Variants in GDPD1 observed in about 807,000 individuals in gnomAD.
The protein encoded by GDPD1 is lysophospholipase D GDPD1.
Under a neutral mutation model 45.1 loss-of-function variants are expected in GDPD1, and 28 were observed. The ratio of observed to expected loss-of-function variants is 0.62; its 90% confidence interval spans 0.46 to 0.85. GDPD1 has a LOEUF of 0.85. Among genes scored for constraint, GDPD1 ranks in the 40% least tolerant of loss-of-function variants. GDPD1 has a pLI of 0.00. For missense variants in GDPD1, 256 were observed against 364.8 expected, an observed-to-expected ratio of 0.70 and a Z score of 2.43; for synonymous variants, 139 against 131.4, an observed-to-expected ratio of 1.06 and a Z score of -0.40.
At chr17:59,250,948 A>AC (rs1035557648) in intron 4 of GDPD1, among the ~76,000 whole-genome samples, 2 of 151,088 alleles carry the variant, frequency 1.3e-5, no homozygotes, top group Admixed American at 6.6e-5. Flanking sequence ...GATTTACCTG[A>AC]CCCCCCCTTG....
chr17:59,233,220 AAAAAC>A (rs2047104617), intron 1 of GDPD1, among the ~76,000 whole-genome samples: 1 of 151,774 alleles, frequency 6.6e-6, no homozygotes, highest in Non-Finnish European at 1.5e-5. Context: ...TGTCTCAAGA[AAAAAC>A]AAAACAGGCC....
rs1311245247 is a variant in GDPD1, at chr17:59,257,697, G to T, written c.487-54G>T. The T allele has an allele frequency of 3.8e-6, 4 of 1,050,780 alleles. No individual in the cohort carries two copies. In the African/African-American group the frequency reaches 4.7e-5, roughly 12 times the overall value. The allele number at this position is 1,050,780 out of a possible 1,614,324, so 65.1% of individuals were successfully genotyped here. A position where few individuals can be genotyped will look rare whatever the true frequency, so the allele number is the denominator to read the frequency against. ...TAATTCATTTTTTAAGTGAAATGTT[G>T]TTAGTGGATTTGCAAATAGGCACAT... On this transcript the variant is annotated intron_variant, in intron 5 of 9. Transcript: ENST00000284116.
chr17:59,248,648 TA>T, intron 3 of GDPD1, 91 bp from the exon 4 acceptor site: 1 of 896,564 alleles, frequency 1.1e-6, no homozygotes. Context: ...TTCTGTATGT[TA>T]AAGAAGCATA....
chr17:59,270,864 A>G (rs2047438970), intron 7 of GDPD1, 72 bp from the exon 8 acceptor site: 2 of 949,346 alleles, frequency 2.1e-6, no homozygotes, highest in Non-Finnish European at 3.3e-6. Context: ...TCATTTTTGA[A>G]TTTGTTTCAT....
intron 8 of GDPD1, among the ~76,000 whole-genome samples, chr17:59,271,387 A>G (rs2047442743): frequency 6.6e-6 from 1 of 152,168 alleles, no homozygotes; most frequent in Non-Finnish European, 1.5e-5. Context: ...TTCTCAGAAA[A>G]ATTTGCTCTG....
chr17:59,243,467 GCATTCC>G (rs2047189240), intron 2 of GDPD1, among the ~76,000 whole-genome samples: 1 of 151,270 alleles, frequency 6.6e-6, no homozygotes, highest in African/African-American at 2.4e-5. Flanking sequence ...CTGTGCCGTT[GCATTCC>G]AGCCTGGGCA....
intron 3 of GDPD1, among the ~76,000 whole-genome samples, 188 bp from the exon 4 acceptor site, chr17:59,248,552 T>A (rs1466384282): frequency 2.6e-5 from 4 of 152,088 alleles, no homozygotes; most frequent in African/African-American, 9.7e-5. Flanking sequence ...TACAGATATA[T>A]TTTTTGTAGA....
intron 4 of GDPD1, among the ~76,000 whole-genome samples, chr17:59,251,991 CAAAAAAAAAAAA>C (rs34224346): frequency 1.6e-5 from 1 of 60,922 alleles, no homozygotes; most frequent in Non-Finnish European, 3.2e-5. Context: ...GACTCAGTCT[CAAAAAAAAAAAA>C]AAAAAAAAGA....
At chr17:59,223,738 A>ATATC (rs1344454329) in intron 1 of GDPD1, among the ~76,000 whole-genome samples, 3 of 152,232 alleles carry the variant, frequency 2.0e-5, no homozygotes, top group Non-Finnish European at 1.5e-5. Flanking sequence ...TAAAACTTGA[A>ATATC]TATCTACTCT....
intron 7 of GDPD1, 28 bp downstream of exon 7, chr17:59,267,202 T>C: frequency 1.3e-6 from 2 of 1,565,002 alleles, no homozygotes; most frequent in Non-Finnish European, 1.8e-6. Flanking sequence ...TATTTTAAAA[T>C]CAATTATCAA....
intron 4 of GDPD1, among the ~76,000 whole-genome samples, chr17:59,256,590 A>G (rs2047310897): frequency 6.6e-6 from 1 of 152,182 alleles, no homozygotes; most frequent in African/African-American, 2.4e-5. Flanking sequence ...TTAAATTAAA[A>G]TAAATTATTG....
intron 6 of GDPD1, among the ~76,000 whole-genome samples, chr17:59,261,877 T>TCTTGTCTC (rs2047358160): frequency 6.7e-6 from 1 of 149,930 alleles, no homozygotes; most frequent in Admixed American, 6.7e-5. Flanking sequence ...CAAGCAATCC[T>TCTTGTCTC]CTTGTCTCGT....
intron 4 of GDPD1, among the ~76,000 whole-genome samples, chr17:59,255,791 ATATATGTATATATATATATACGCG>A (rs2047296995): frequency 1.5e-5 from 1 of 65,508 alleles, no homozygotes; most frequent in Non-Finnish European, 2.6e-5. Flanking sequence ...ATATACGCGT[ATATATGTATATATATATATACGCG>A]TATATATATA....
intron 7 of GDPD1, among the ~76,000 whole-genome samples, chr17:59,268,917 G>A (rs957866923): frequency 6.6e-6 from 1 of 151,558 alleles, no homozygotes; most frequent in East Asian, 1.9e-4. Context: ...CTGAACACGG[G>A]GGGCAGAAGT....
chr17:59,224,611 C>T (rs1279737845), intron 1 of GDPD1, among the ~76,000 whole-genome samples: 8 of 138,908 alleles, frequency 5.8e-5, no homozygotes, highest in Non-Finnish European at 9.1e-5. Context: ...GGCGACAGGG[C>T]GAGACTCCAT....
intron 8 of GDPD1, among the ~76,000 whole-genome samples, chr17:59,271,484 T>G (rs945422103): frequency 6.6e-6 from 1 of 152,108 alleles, no homozygotes; most frequent in African/African-American, 2.4e-5. Flanking sequence ...ACATGATGAG[T>G]TTAATTTTAG....
intron 3 of GDPD1, among the ~76,000 whole-genome samples, chr17:59,247,977 G>A (rs2047225263): frequency 6.6e-6 from 1 of 151,596 alleles, no homozygotes; most frequent in Admixed American, 6.6e-5. Context: ...TCTATCTTTA[G>A]CTTTTTATAT....
At chr17:59,220,803 C>G in intron 1 of GDPD1, 52 bp downstream of exon 1, 1 of 1,586,758 alleles carries the variant, frequency 6.3e-7, no homozygotes, top group Non-Finnish European at 8.5e-7. Context: ...GCTGAGGGTC[C>G]TTTGCGGCTC....
At chr17:59,266,072 A>C (rs2047396652) in intron 6 of GDPD1, among the ~76,000 whole-genome samples, 1 of 151,498 alleles carries the variant, frequency 6.6e-6, no homozygotes, top group Admixed American at 6.6e-5. Context: ...GTGGTGAGAA[A>C]ATAGATTTAA....
Sources: allele counts gnomAD v4.1 joint callset (sites outside exome capture counted in the v4.1 genomes callset), GRCh38; gene constraint gnomAD v4.1.1; transcripts MANE v1.5; gene names NCBI Gene and HGNC (gene_info 2026-07-23, HGNC 2026-07-21).